Variants in CNBD2 observed in about 807,000 individuals in gnomAD.
CNBD2 encodes the protein cyclic nucleotide binding domain containing 2.
In CNBD2, 64 loss-of-function variants were observed where a neutral mutation model predicts 63.7. That is an observed-to-expected ratio of 1.00 (90% CI 0.82 to 1.24). CNBD2 has a LOEUF of 1.24. Ranked by LOEUF, CNBD2 falls within the 50% of genes most tolerant of loss-of-function variation. The pLI, the probability that CNBD2 is intolerant of heterozygous loss-of-function variation, is 0.00. For missense variants in CNBD2, 691 were observed against 713.5 expected (o/e 0.97, Z 0.36); for synonymous variants, 229 against 255.4 (o/e 0.90, Z 0.99).
chr20:36,010,457 A>G (rs2057043115), intron 9 of CNBD2, among the ~76,000 whole-genome samples: 1 of 151,818 alleles, frequency 6.6e-6, no homozygotes, highest in African/African-American at 2.4e-5. Flanking sequence ...AAAAAAAAAA[A>G]AAAAAGAAAA....
intron 3 of CNBD2, among the ~76,000 whole-genome samples, chr20:35,977,366 T>C (rs1215189665): frequency 6.6e-6 from 1 of 152,114 alleles, no homozygotes; most frequent in Non-Finnish European, 1.5e-5. Context: ...AGCTGGAGGC[T>C]CATTTTAAAA....
rs984284594 is a variant in CNBD2, at chr20:35,968,639, G to A, written c.-124G>A. The A allele has an allele frequency of 4.4e-5, 29 of 658,888 alleles. No individual in the cohort carries two copies. The South Asian group carries it at 4.7e-4, about 11-fold the overall frequency. The allele number at this position is 658,888 out of a possible 1,614,324, so 40.8% of individuals were successfully genotyped here. The stretch of plus-strand genomic sequence containing the variant: ...GGTATGGTAGGAGGAGTGGAGTGGA[G>A]CTCTTGCCTTGTTACTGAGGAAATC... On this transcript the variant is annotated 5_prime_UTR_variant, in exon 1 of 12. Coordinates refer to ENST00000373973, the MANE Select transcript of CNBD2 (RefSeq NM_001365709.1).
chr20:35,962,323 A>G (rs1399807013), intron 2 of CNBD2, among the ~76,000 whole-genome samples: 4 of 145,118 alleles, frequency 2.8e-5, no homozygotes, highest in South Asian at 2.2e-4. Flanking sequence ...CAGTGGCACG[A>G]TCTCGGCTCA....
chr20:35,990,757 C>T (rs776973005), intron 7 of CNBD2, among the ~76,000 whole-genome samples: 12 of 152,114 alleles, frequency 7.9e-5, no homozygotes, highest in Non-Finnish European at 1.8e-4. Flanking sequence ...TTGAGACCAG[C>T]CTGGCCAACA....
At chr20:36,011,293 C>T (rs199586054) in intron 10 of CNBD2, 36 bp downstream of exon 10, 112 of 1,465,550 alleles carry the variant, frequency 7.6e-5, no homozygotes, top group Middle Eastern at 1.8e-4. Context: ...CCATGGAGTA[C>T]GTAACATGAA....
upstream of CNBD2, among the ~76,000 whole-genome samples, chr20:35,964,579 T>C (rs1220927838): frequency 6.7e-6 from 1 of 149,254 alleles, no homozygotes; most frequent in Non-Finnish European, 1.5e-5. Flanking sequence ...GTATTTTTAG[T>C]AGAGATGGGG....
chr20:35,969,863 CT>C (rs2056388459), intron 1 of CNBD2, among the ~76,000 whole-genome samples: 2 of 152,248 alleles, frequency 1.3e-5, no homozygotes, highest in Admixed American at 6.5e-5. Context: ...ACATCCTCAA[CT>C]TTATATAATG....
At chr20:35,963,796 G>T (rs1170807830), upstream of CNBD2, among the ~76,000 whole-genome samples, 3 of 152,132 alleles carry the variant, frequency 2.0e-5, no homozygotes, top group Non-Finnish European at 4.4e-5. Flanking sequence ...CAGTAGGCTA[G>T]CTATGGGCGG....
chr20:35,975,670 T>G (rs2056506213), intron 2 of CNBD2, among the ~76,000 whole-genome samples: 1 of 151,978 alleles, frequency 6.6e-6, no homozygotes, highest in South Asian at 2.1e-4. Context: ...TCCCCCTTCC[T>G]TTTCTCTCTC....
intron 8 of CNBD2, 124 bp downstream of exon 8, chr20:35,995,276 C>A: frequency 1.7e-6 from 1 of 597,114 alleles, no homozygotes. Flanking sequence ...CTGCACCCTT[C>A]TACCAGCGGT....
In CNBD2 at chr20:36,002,774, C is replaced by A. The variant is rs188918196; in HGVS notation, c.971-5523C>A. 1.7e-3 allele frequency among the ~76,000 whole-genome samples: 255 copies of A among 151,942 alleles called. 3 individuals carry two copies. Among genetic ancestry groups the A allele is most frequent in the Non-Finnish European group, 4.3e-4 (29 of 67,980 alleles). ...TGAGGTTCATTTAGTTTCTGGGATT[C>A]CTGGGTTTGTATTTTTAAAATCTGA... is the stretch of plus-strand genomic sequence containing the variant. On this transcript the variant is annotated intron_variant, in intron 8 of 11. Coordinates refer to ENST00000373973, the MANE Select transcript of CNBD2 (RefSeq NM_001365709.1).
At chr20:35,975,324 G>A (rs1228508335) in intron 2 of CNBD2, among the ~76,000 whole-genome samples, 7 of 106,172 alleles carry the variant, frequency 6.6e-5, no homozygotes, top group Non-Finnish European at 1.4e-4. Flanking sequence ...TTTTTGAGAT[G>A]GAGTCTTGCT....
intron 7 of CNBD2, among the ~76,000 whole-genome samples, chr20:35,990,955 T>TA (rs1188870205): frequency 2.6e-5 from 4 of 150,982 alleles, no homozygotes; most frequent in East Asian, 1.9e-4. Context: ...AAAATTAATT[T>TA]AAAAAAAAAG....
intron 6 of CNBD2, among the ~76,000 whole-genome samples, chr20:35,986,890 G>T (rs1303678441): frequency 2.0e-5 from 3 of 152,182 alleles, no homozygotes; most frequent in African/African-American, 7.2e-5. Context: ...AGAAAGAGTG[G>T]AGTCCAGACA....
chr20:36,015,179 A>G (rs555043754), intron 10 of CNBD2, among the ~76,000 whole-genome samples: 11 of 152,058 alleles, frequency 7.2e-5, no homozygotes, highest in Non-Finnish European at 1.3e-4. Flanking sequence ...AGAAATGTCT[A>G]TTCAGAGTTT....
Position 35,984,620 on chromosome 20 carries a change from C to G in CNBD2, c.565-7C>G, listed in dbSNP as rs2056642055. ...TCACACTTGCCCTTGCCCTGTCCAC[C>G]CAACAGGAAATGGACGTTCTGCATG... On this transcript the variant is annotated splice_polypyrimidine_tract_variant and splice_region_variant and intron_variant, in intron 5 of 11. Transcript: ENST00000373973. 6.2e-7 allele frequency: 1 copy of G among 1,613,746 alleles called. No individual in the cohort carries two copies. Among genetic ancestry groups the G allele is most frequent in the Non-Finnish European group, 8.5e-7 (1 of 1,179,822 alleles).
chr20:35,984,292 T>C (rs1188200600), intron 5 of CNBD2, among the ~76,000 whole-genome samples, 154 bp downstream of exon 5: 1 of 152,166 alleles, frequency 6.6e-6, no homozygotes, highest in African/African-American at 2.4e-5. Context: ...GCTAATTGAG[T>C]TGGACTAAGA....
At chr20:35,999,205 T>C (rs944783907) in intron 8 of CNBD2, among the ~76,000 whole-genome samples, 4 of 152,182 alleles carry the variant, frequency 2.6e-5, no homozygotes, top group Admixed American at 2.0e-4. Context: ...TGTCTTTATA[T>C]GTAAAAGTGA....
intron 4 of CNBD2, among the ~76,000 whole-genome samples, chr20:35,981,413 C>A (rs1363133703): frequency 6.6e-6 from 1 of 152,002 alleles, no homozygotes; most frequent in Non-Finnish European, 1.5e-5. Flanking sequence ...ATCACCTGGG[C>A]CATCTCCTCT....
Sources: gnomAD v4.1 joint callset for allele counts (sites outside exome capture counted in the v4.1 genomes callset) on GRCh38, gnomAD v4.1.1 for gene constraint, MANE v1.5 for transcripts, NCBI Gene and HGNC (gene_info 2026-07-23, HGNC 2026-07-21) for gene names.